The following CNTN1 variants were observed in gnomAD, a reference collection of about 807,000 sequenced individuals.
CNTN1 encodes contactin-1.
Under a neutral mutation model 126.4 loss-of-function variants are expected in CNTN1, and 38 were observed. The observed-to-expected ratio is 0.30, with a 90% CI of 0.23 to 0.39. CNTN1 has a LOEUF of 0.39. CNTN1 is among the 10% of genes least tolerant of loss of function. The pLI is 1.00. For synonymous variants in CNTN1, 413 were observed against 422.6 expected (o/e 0.98, Z 0.28); for missense variants, 1,009 against 1,248.4 (o/e 0.81, Z 2.89).
intron 3 of CNTN1, among the ~76,000 whole-genome samples, chr12:40,915,473 T>TG (rs1334662820): frequency 1.3e-5 from 2 of 152,268 alleles, no homozygotes; most frequent in African/African-American, 4.8e-5. Context: ...ATTGTGTAAC[T>TG]GGTCTTTATT....
intron 3 of CNTN1, among the ~76,000 whole-genome samples, chr12:40,917,068 G>GGGA (rs1945273107): frequency 7.8e-6 from 1 of 128,384 alleles, no homozygotes; most frequent in Admixed American, 8.6e-5. Context: ...GGGCGGGGGG[G>GGGA]GGGGCAGAAC....
In CNTN1 at chr12:40,963,326, T is replaced by C. The variant is rs149868668; in HGVS notation, c.1804+4092T>C. On this transcript the variant is annotated intron_variant, in intron 15 of 23. Transcript: ENST00000551295. The stretch of plus-strand genomic sequence containing the variant: ...GATATGATGACATTTAAATAACTTA[T>C]AGAAGATTTTAGTGAAAGTTTATTT... Among the ~76,000 whole-genome samples, 365 of 152,156 alleles carry C rather than the reference T, an allele frequency of 2.4e-3. 1 individual carries two copies. Among genetic ancestry groups the C allele is most frequent in the African/African-American group, 8.5e-3 (352 of 41,530 alleles).
In CNTN1 at chr12:40,906,669, C is replaced by CTTTTTTTTTTTTTTTTTTTTTTTTTTTTT. The variant is rs111442544; in HGVS notation, c.-76-1679_-76-1678insTTTTTTTTTTTTTTTTTTTTTTTTTTTTT. 1.9e-4 allele frequency among the ~76,000 whole-genome samples: 20 copies of CTTTTTTTTTTTTTTTTTTTTTTTTTTTTT among 107,196 alleles called. 3 individuals carry two copies. Among genetic ancestry groups the CTTTTTTTTTTTTTTTTTTTTTTTTTTTTT allele is most frequent in the Non-Finnish European group, 2.6e-4 (14 of 53,344 alleles). The allele number at this position is 107,196 out of a possible 152,430, so 70.3% of individuals were successfully genotyped here. On this transcript the variant is annotated intron_variant, in intron 1 of 23. Transcript: ENST00000551295. ...TTTCCTTTTAAAATTGTTTTTCATGCTTTTTTTTTGTTTTGTTTTTTTTGA... is the reference window on the plus strand; with the variant it reads ...TTTCCTTTTAAAATTGTTTTTCATGCTTTTTTTTTTTTTTTTTTTTTTTTTTTTTTTTTTTTTTGTTTTGTTTTTTTTGA...
chr12:40,975,997 TA>T (rs1335299831), intron 15 of CNTN1, among the ~76,000 whole-genome samples: 1 of 152,100 alleles, frequency 6.6e-6, no homozygotes, highest in Non-Finnish European at 1.5e-5. Flanking sequence ...AGAGCATGGG[TA>T]GGGGGAGGTG....
chr12:40,746,764 C>T (rs567458087), intron 1 of CNTN1, among the ~76,000 whole-genome samples: 8 of 152,098 alleles, frequency 5.3e-5, no homozygotes, highest in East Asian at 1.9e-4. Flanking sequence ...TTCCCTTTTC[C>T]GGTGGAATGC....
At chr12:40,918,242 A>T (rs573348805) in intron 3 of CNTN1, among the ~76,000 whole-genome samples, 4 of 152,274 alleles carry the variant, frequency 2.6e-5, no homozygotes, top group African/African-American at 9.6e-5. Flanking sequence ...AGGAGAGATG[A>T]GAGGTTTTGG....
intron 1 of CNTN1, among the ~76,000 whole-genome samples, chr12:40,756,285 C>T (rs1231001283): frequency 2.0e-5 from 3 of 151,630 alleles, no homozygotes; most frequent in African/African-American, 4.8e-5. Flanking sequence ...GAACTTAGAG[C>T]GAGTGATCTG....
chr12:40,764,680 GA>G (rs1357096741), intron 1 of CNTN1, among the ~76,000 whole-genome samples: 1 of 152,206 alleles, frequency 6.6e-6, no homozygotes, highest in Non-Finnish European at 1.5e-5. Flanking sequence ...TTATTGTTAG[GA>G]AGAAACCTGC....
intron 1 of CNTN1, among the ~76,000 whole-genome samples, chr12:40,901,615 G>A (rs998293512): frequency 2.0e-5 from 3 of 152,168 alleles, no homozygotes; most frequent in Admixed American, 2.0e-4. Flanking sequence ...CCTCTTTCAT[G>A]TATACGGCAC....
In CNTN1 at chr12:41,029,339, G is replaced by C. The variant is rs894708456; in HGVS notation, c.2980+120G>C. 9 of 1,133,366 alleles carry C rather than the reference G, an allele frequency of 7.9e-6. No homozygotes were observed. The African/African-American group carries it at 1.2e-4, about 15-fold the overall frequency. 70.2% of individuals were successfully genotyped at this position (1,133,366 alleles called of 1,614,324 possible). ...TGTCCATATTTTCCTAAGTAGATTG[G>C]ACATATCAAGGATTCCCTGAAACTT... is the stretch of plus-strand genomic sequence containing the variant. On this transcript the variant is annotated intron_variant, in intron 23 of 23. Coordinates refer to ENST00000551295, the MANE Select transcript of CNTN1 (RefSeq NM_001843.4).
chr12:40,943,721 A>T lies in CNTN1; in HGVS notation c.1504A>T (p.Thr502Ser). Residue 502 changes from threonine to serine, a missense_variant, in exon 13 of 24, where the codon ACA (threonine) becomes TCA (serine). By Grantham distance (58) the Thr-to-Ser change is moderately conservative. Coordinates refer to ENST00000551295, the MANE Select transcript of CNTN1 (RefSeq NM_001843.4). ...TAATAGCACTGGAACCCTTGTTATCACAGGTAAGTTAATGTTTGAGGGTGC... is the reference window on the plus strand; with the variant it reads ...TAATAGCACTGGAACCCTTGTTATCTCAGGTAAGTTAATGTTTGAGGGTGC... ...KANSTGTLVI[T>S]DPTRIILAPI... The T allele has an allele frequency of 6.2e-7, 1 of 1,612,780 alleles. No individual in the cohort carries two copies. Among genetic ancestry groups the T allele is most frequent in the Non-Finnish European group, 8.5e-7 (1 of 1,179,164 alleles).
Position 41,069,594 on chromosome 12 carries a change from A to G in CNTN1, c.2981-365A>G, listed in dbSNP as rs565301788. 3.2e-4 allele frequency among the ~76,000 whole-genome samples: 27 copies of G among 85,004 alleles called. No individual in the cohort carries two copies. In the Admixed American group the frequency reaches 3.7e-3, roughly 12 times the overall value. The allele number at this position is 85,004 out of a possible 152,430, so 55.8% of individuals were successfully genotyped here. On this transcript the variant is annotated intron_variant, in intron 23 of 23. Transcript: ENST00000551295. ...AATGCTATCCCTCCCCACTCCCCCC[A>G]CCCCACAACTTTATCTTATTTTTAA...
At chr12:40,911,373 C>T (rs141527972) in intron 3 of CNTN1, among the ~76,000 whole-genome samples, 219 of 152,300 alleles carry the variant, frequency 1.4e-3, no homozygotes, top group African/African-American at 4.9e-3. Flanking sequence ...AGCCACCGTG[C>T]CCGGCCGCAA....
At chr12:41,063,232 T>C (rs1212799972) in intron 23 of CNTN1, among the ~76,000 whole-genome samples, 1 of 152,260 alleles carries the variant, frequency 6.6e-6, no homozygotes, top group African/African-American at 2.4e-5. Flanking sequence ...TTTCTTGTGT[T>C]GATTAGCCTC....
intron 1 of CNTN1, among the ~76,000 whole-genome samples, chr12:40,836,188 T>A (rs1942052696): frequency 6.9e-6 from 1 of 144,676 alleles, no homozygotes; most frequent in Admixed American, 6.9e-5. Flanking sequence ...GTATATATAG[T>A]ATATATGTAT....
chr12:40,741,835 G>C (rs537868695), intron 1 of CNTN1, among the ~76,000 whole-genome samples: 1 of 151,946 alleles, frequency 6.6e-6, no homozygotes, highest in South Asian at 2.1e-4. Flanking sequence ...AAATTTTAAT[G>C]GAAAATTTTT....
chr12:40,936,693 G>A lies in CNTN1; in HGVS notation c.986-88G>A, dbSNP rs1037152380. 3 of 1,522,230 alleles carry A rather than the reference G, an allele frequency of 2.0e-6. No individual in the cohort carries two copies. The East Asian group carries it at 6.9e-5, about 35-fold the overall frequency. The allele number at this position is 1,522,230 out of a possible 1,614,324, so 94.3% of individuals were successfully genotyped here. A position where few individuals can be genotyped will look rare whatever the true frequency, so the allele number is the denominator to read the frequency against. On this transcript the variant is annotated intron_variant, in intron 9 of 23. Coordinates refer to ENST00000551295, the MANE Select transcript of CNTN1 (RefSeq NM_001843.4). ...CTATCTGATGTATTCTGCAGAATTA[G>A]GTTAACTAAATGTAATATTTATACT... is the stretch of plus-strand genomic sequence containing the variant.
chr12:40,912,776 A>C (rs1030791356), intron 3 of CNTN1, among the ~76,000 whole-genome samples: 1 of 152,208 alleles, frequency 6.6e-6, no homozygotes, highest in African/African-American at 2.4e-5. Flanking sequence ...TTTTCAGTAC[A>C]TATTTCTATC....
chr12:40,882,382 C>T (rs2136700776), intron 1 of CNTN1, among the ~76,000 whole-genome samples: 1 of 151,754 alleles, frequency 6.6e-6, no homozygotes, highest in South Asian at 2.1e-4. Flanking sequence ...ATAGAAGAAA[C>T]ATGTGTCATT....
Sources: gnomAD v4.1 joint callset for allele counts (sites outside exome capture counted in the v4.1 genomes callset) on GRCh38, gnomAD v4.1.1 for gene constraint, MANE v1.5 for transcripts, NCBI Gene and HGNC (gene_info 2026-07-23, HGNC 2026-07-21) for gene names.